The following GALNT17 variants were observed in gnomAD, a reference collection of about 807,000 sequenced individuals.
GALNT17 encodes UDP-GalNAc:polypeptide N-acetylgalactosaminyltransferase-like 3.
GALNT17 carries 29 observed loss-of-function variants against 63.7 expected under a neutral mutation model. The observed-to-expected ratio is 0.46, with a 90% CI of 0.34 to 0.62. The LOEUF is 0.62. Ranked by LOEUF, GALNT17 falls within the 20% of genes least tolerant of loss-of-function variation. The pLI is 0.01. For synonymous variants in GALNT17, 305 were observed against 318.3 expected (o/e 0.96, Z 0.45); for missense variants, 603 against 799.6 (o/e 0.75, Z 2.97).
chr7:71,694,060 A>T (rs888597646), intron 9 of GALNT17, among the ~76,000 whole-genome samples: 1 of 152,106 alleles, frequency 6.6e-6, no homozygotes, highest in African/African-American at 2.4e-5. Flanking sequence ...GTGGCTGGGG[A>T]GGCCTCACAA....
chr7:71,205,521 C>T (rs1789256580), intron 1 of GALNT17, among the ~76,000 whole-genome samples: 1 of 152,144 alleles, frequency 6.6e-6, no homozygotes, highest in Non-Finnish European at 1.5e-5. Flanking sequence ...CTCCTGGGCT[C>T]AAGCCATCCT....
intron 3 of GALNT17, among the ~76,000 whole-genome samples, chr7:71,394,935 C>G (rs990772533): frequency 6.6e-6 from 1 of 152,028 alleles, no homozygotes; most frequent in African/African-American, 2.4e-5. Flanking sequence ...AACCTTGTCT[C>G]TACTAAAAAT....
chr7:71,387,925 A>G (rs1375692931), intron 2 of GALNT17, among the ~76,000 whole-genome samples: 3 of 152,164 alleles, frequency 2.0e-5, no homozygotes, highest in Non-Finnish European at 2.9e-5. Context: ...ACCCAAATGA[A>G]GGCATCTACT....
chr7:71,633,639 G>A (rs1445539418), intron 6 of GALNT17, among the ~76,000 whole-genome samples: 1 of 152,090 alleles, frequency 6.6e-6, no homozygotes, highest in African/African-American at 2.4e-5. Flanking sequence ...TGAGGGCCCC[G>A]AGAGGATCCT....
intron 9 of GALNT17, among the ~76,000 whole-genome samples, chr7:71,705,886 C>T (rs511525): frequency 0.99 from 149,950 of 152,194 alleles, 73,901 homozygotes; most frequent in East Asian, 1. Flanking sequence ...GGAAAGCCTA[C>T]TGAACGTGCA....
At chr7:71,406,717 C>A (rs7783759) in intron 3 of GALNT17, among the ~76,000 whole-genome samples, 1 of 148,502 alleles carries the variant, frequency 6.7e-6, no homozygotes, top group Non-Finnish European at 1.5e-5. Context: ...TATTCTCAGG[C>A]GCACCTGTAT....
chr7:71,575,247 G>T (rs368849021), intron 6 of GALNT17, among the ~76,000 whole-genome samples: 1 of 152,032 alleles, frequency 6.6e-6, no homozygotes, highest in Non-Finnish European at 1.5e-5. Context: ...AGGGCTTTAT[G>T]TAAATATATA....
At chr7:71,266,337 A>G (rs965691693) in intron 1 of GALNT17, among the ~76,000 whole-genome samples, 1 of 152,134 alleles carries the variant, frequency 6.6e-6, no homozygotes, top group Non-Finnish European at 1.5e-5. Context: ...TGACTGAATC[A>G]TGGGAGCGGA....
intron 1 of GALNT17, among the ~76,000 whole-genome samples, chr7:71,181,495 A>G (rs147982338): frequency 6.6e-6 from 1 of 152,268 alleles, no homozygotes; most frequent in African/African-American, 2.4e-5. Flanking sequence ...GAAACAAATT[A>G]GCTGGTGATG....
At chr7:71,541,326 G>T (rs1216222336) in intron 5 of GALNT17, among the ~76,000 whole-genome samples, 2 of 151,982 alleles carry the variant, frequency 1.3e-5, no homozygotes, top group African/African-American at 2.4e-5. Flanking sequence ...CCCGAAGCAG[G>T]TGGATCACCT....
intron 1 of GALNT17, among the ~76,000 whole-genome samples, chr7:71,199,813 C>T (rs1284188466): frequency 3.3e-5 from 5 of 152,120 alleles, no homozygotes; most frequent in African/African-American, 4.8e-5. Context: ...CATCATCCAT[C>T]CATCCATCCA....
chr7:71,405,581 A>T (rs866758248), intron 3 of GALNT17, among the ~76,000 whole-genome samples: 3 of 152,238 alleles, frequency 2.0e-5, no homozygotes, highest in African/African-American at 7.2e-5. Context: ...TTAAACAAAA[A>T]TGCCTTAGAC....
chr7:71,662,080 C>T (rs1047232928), intron 6 of GALNT17, among the ~76,000 whole-genome samples: 2 of 152,186 alleles, frequency 1.3e-5, no homozygotes, highest in Non-Finnish European at 1.5e-5. Context: ...CCATCCTGAC[C>T]TTGGTCTGGA....
chr7:71,699,475 C>CAAA (rs35825722), intron 9 of GALNT17, among the ~76,000 whole-genome samples: 4 of 96,980 alleles, frequency 4.1e-5, no homozygotes, highest in Non-Finnish European at 8.2e-5. Flanking sequence ...GACTCTGTCT[C>CAAA]AAAAAAAAAA....
intron 5 of GALNT17, among the ~76,000 whole-genome samples, chr7:71,460,456 G>A (rs1332832140): frequency 1.3e-5 from 2 of 152,210 alleles, no homozygotes; most frequent in Non-Finnish European, 2.9e-5. Context: ...ATTGGTCTGT[G>A]TGATGGACCT....
chr7:71,703,035 G>T (rs937764984), intron 9 of GALNT17, among the ~76,000 whole-genome samples: 1 of 152,168 alleles, frequency 6.6e-6, no homozygotes, highest in Non-Finnish European at 1.5e-5. Flanking sequence ...AGAAATTTTT[G>T]GTTTGGAGAT....
intron 1 of GALNT17, among the ~76,000 whole-genome samples, chr7:71,230,629 G>A (rs1789770823): frequency 6.6e-6 from 1 of 152,174 alleles, no homozygotes; most frequent in Non-Finnish European, 1.5e-5. Flanking sequence ...AGTAGTGTTG[G>A]CACAGTGCCG....
intron 5 of GALNT17, among the ~76,000 whole-genome samples, chr7:71,553,994 G>A (rs935039156): frequency 3.3e-5 from 5 of 152,226 alleles, no homozygotes; most frequent in Non-Finnish European, 5.9e-5. Flanking sequence ...TCTGGCTTCT[G>A]TTGACACCTC....
intron 3 of GALNT17, among the ~76,000 whole-genome samples, chr7:71,391,651 TTA>T (rs200282756): frequency 1.3e-5 from 2 of 151,668 alleles, no homozygotes; most frequent in African/African-American, 4.9e-5. Flanking sequence ...CCTAGCTAAT[TTA>T]TATATATATT....
Sources: allele counts gnomAD v4.1 joint callset (sites outside exome capture counted in the v4.1 genomes callset), GRCh38; gene constraint gnomAD v4.1.1; transcripts MANE v1.5; gene names NCBI Gene and HGNC (gene_info 2026-07-23, HGNC 2026-07-21).